NTM: variants seen among roughly 807,000 people sequenced by gnomAD.
The protein encoded by NTM is neurotrimin.
A neutral mutation model predicts 42.1 loss-of-function variants in NTM; 13 were observed. The observed-to-expected ratio is 0.31, with a 90% CI of 0.20 to 0.49. The LOEUF (loss-of-function observed/expected upper bound fraction) is 0.49, where lower values mean the gene tolerates loss of function less well. NTM is among the 20% of genes least tolerant of loss of function. The pLI is 0.99. For missense variants in NTM, 373 were observed against 452.8 expected, an observed-to-expected ratio of 0.82 and a Z score of 1.60; for synonymous variants, 187 against 179.2, an observed-to-expected ratio of 1.04 and a Z score of -0.35.
chr11:131,469,881 C>T (rs1316021682), intron 1 of NTM, among the ~76,000 whole-genome samples: 1 of 152,198 alleles, frequency 6.6e-6, no homozygotes. Context: ...GTGTGTCCAT[C>T]TTTATAGCAT....
chr11:132,134,755 A>ATCTATC (rs59029342), intron 2 of NTM, among the ~76,000 whole-genome samples: 7 of 80,254 alleles, frequency 8.7e-5, no homozygotes, highest in East Asian at 4.2e-4. Context: ...ATATATATAT[A>ATCTATC]TATATCTCAC....
intron 4 of NTM, among the ~76,000 whole-genome samples, chr11:132,260,608 T>C (rs572836535): frequency 1.6e-4 from 25 of 152,346 alleles, no homozygotes; most frequent in African/African-American, 5.8e-4. Context: ...CAAGCTTGTG[T>C]CCTCGGGTTT....
chr11:132,173,708 GAA>G (rs1374896115), intron 3 of NTM, among the ~76,000 whole-genome samples: 3 of 152,148 alleles, frequency 2.0e-5, no homozygotes, highest in African/African-American at 7.2e-5. Flanking sequence ...TGTTCCAAGT[GAA>G]GAGAGTGAGG....
At chr11:132,178,433 T>A (rs1027402735) in intron 3 of NTM, among the ~76,000 whole-genome samples, 1 of 152,252 alleles carries the variant, frequency 6.6e-6, no homozygotes, top group African/African-American at 2.4e-5. Context: ...TAAAAATTTA[T>A]ATTGACATTT....
chr11:132,139,695 G>A (rs546487341), intron 2 of NTM, among the ~76,000 whole-genome samples: 39 of 152,206 alleles, frequency 2.6e-4, no homozygotes, highest in African/African-American at 9.4e-4. Flanking sequence ...GTGTGCATTT[G>A]TATTTGTGAG....
intron 1 of NTM, among the ~76,000 whole-genome samples, chr11:131,662,611 C>A (rs1444607072): frequency 1.3e-5 from 2 of 152,196 alleles, no homozygotes; most frequent in African/African-American, 4.8e-5. Flanking sequence ...ACAGCCAAGG[C>A]CTGTGGATCA....
At chr11:131,504,635 G>T (rs946309742) in intron 1 of NTM, among the ~76,000 whole-genome samples, 6 of 152,056 alleles carry the variant, frequency 3.9e-5, no homozygotes, top group Non-Finnish European at 8.8e-5. Context: ...CTCTAGGCTT[G>T]TCTACCTCGA....
At chr11:132,314,804 G>A (rs2095380326) in intron 7 of NTM, 101 bp downstream of exon 7, 16 of 1,426,390 alleles carry the variant, frequency 1.1e-5, no homozygotes, top group Non-Finnish European at 1.5e-5. Flanking sequence ...GGTTAGCAGG[G>A]TATCAGTGGA....
chr11:131,678,945 C>T (rs76214828), intron 1 of NTM, among the ~76,000 whole-genome samples: 3,763 of 152,306 alleles, frequency 0.025, 173 homozygotes, highest in African/African-American at 0.086. Flanking sequence ...CACACAGCTT[C>T]CTCTGACATC....
intron 1 of NTM, among the ~76,000 whole-genome samples, chr11:131,867,937 G>C (rs1020441905): frequency 1.3e-5 from 2 of 152,164 alleles, no homozygotes; most frequent in Non-Finnish European, 1.5e-5. Context: ...ACCTCAGAAA[G>C]AATGACCATG....
At chr11:131,779,716 A>G (rs1252155106) in intron 1 of NTM, among the ~76,000 whole-genome samples, 1 of 152,168 alleles carries the variant, frequency 6.6e-6, no homozygotes, top group Non-Finnish European at 1.5e-5. Flanking sequence ...ACTCAGGGCA[A>G]GTGTTGAAAG....
chr11:131,928,437 G>C lies in NTM; in HGVS notation c.167+16789G>C, dbSNP rs572504893. On this transcript the variant is annotated intron_variant, in intron 2 of 8. Transcript: ENST00000683400. The stretch of plus-strand genomic sequence containing the variant: ...GATGCTGGAAGACGTTCTGGCTGTT[G>C]CCAGAATCTCCAGACACAAACCTTT... 5.3e-5 allele frequency among the ~76,000 whole-genome samples: 8 copies of C among 152,310 alleles called. No individual in the cohort carries two copies. The East Asian group carries it at 1.5e-3, about 29-fold the overall frequency.
In NTM at chr11:131,382,984, G is replaced by T. The variant is rs561783379; in HGVS notation, c.82+12096G>T. On this transcript the variant is annotated intron_variant, in intron 1 of 8. Coordinates refer to ENST00000683400, the MANE Select transcript of NTM (RefSeq NM_001352005.2). ...TATTTGTTCCTCTCACAAAATAACT[G>T]ATTCCATAAGACCTTGCCTATCCTT... Among the ~76,000 whole-genome samples, 33 of 152,206 alleles carry T rather than the reference G, an allele frequency of 2.2e-4. No individual in the cohort carries two copies. The South Asian group carries it at 4.4e-3, about 20-fold the overall frequency.
intron 1 of NTM, among the ~76,000 whole-genome samples, chr11:131,657,791 C>T (rs920647611): frequency 1.3e-5 from 2 of 152,220 alleles, no homozygotes; most frequent in East Asian, 3.8e-4. Flanking sequence ...TCTTACAACT[C>T]ATTTTGCAGA....
chr11:131,776,743 A>G (rs1414578535), intron 1 of NTM, among the ~76,000 whole-genome samples: 1 of 152,204 alleles, frequency 6.6e-6, no homozygotes, highest in East Asian at 1.9e-4. Context: ...TTCCTGGAGC[A>G]AGAAAAGATA....
At chr11:131,538,837 C>A (rs2052695913) in intron 1 of NTM, among the ~76,000 whole-genome samples, 2 of 148,364 alleles carry the variant, frequency 1.3e-5, no homozygotes, top group South Asian at 4.4e-4. Context: ...ATGTGTTGCA[C>A]ATTTCAAAAT....
At chr11:132,316,629 A>ATGTT (rs1178944595) in intron 7 of NTM, among the ~76,000 whole-genome samples, 5 of 152,222 alleles carry the variant, frequency 3.3e-5, no homozygotes, top group African/African-American at 9.6e-5. Context: ...AGTTTGCAGG[A>ATGTT]TGTTTCAATC....
intron 1 of NTM, chr11:131,910,739 C>G: frequency 1.4e-6 from 1 of 706,594 alleles, no homozygotes; most frequent in Non-Finnish European, 1.7e-6. Flanking sequence ...GGGGCCGCCG[C>G]GGTCCGCTCC....
chr11:131,722,528 G>A (rs1324300185), intron 1 of NTM, among the ~76,000 whole-genome samples: 2 of 152,202 alleles, frequency 1.3e-5, no homozygotes, highest in East Asian at 3.8e-4. Context: ...AATCTCTACG[G>A]AGGGTGAAGG....
Sources: gnomAD v4.1 joint callset for allele counts (sites outside exome capture counted in the v4.1 genomes callset) on GRCh38, gnomAD v4.1.1 for gene constraint, MANE v1.5 for transcripts, NCBI Gene and HGNC (gene_info 2026-07-23, HGNC 2026-07-21) for gene names.